Variants in HDLBP observed in about 807,000 individuals in gnomAD.
HDLBP encodes the protein high density lipoprotein binding protein.
Under a neutral mutation model 137.3 loss-of-function variants are expected in HDLBP, and 30 were observed. The ratio of observed to expected loss-of-function variants is 0.22; its 90% CI spans 0.16 to 0.30. The LOEUF is 0.30. HDLBP is among the 10% of genes least tolerant of loss of function. The pLI, the probability that HDLBP is intolerant of heterozygous loss-of-function variation, is 1.00. For missense variants in HDLBP, 1,119 were observed against 1,667.3 expected, an observed-to-expected ratio of 0.67 and a Z score of 5.73; for synonymous variants, 606 against 596.0, an observed-to-expected ratio of 1.02 and a Z score of -0.24.
intron 1 of HDLBP, among the ~76,000 whole-genome samples, chr2:241,286,699 A>G (rs1477202408): frequency 6.6e-6 from 1 of 152,204 alleles, no homozygotes; most frequent in Non-Finnish European, 1.5e-5. Flanking sequence ...TGGCAAAGTA[A>G]GCTTTCTAAA....
chr2:241,313,691 A>C (rs1258336083), intron 1 of HDLBP, among the ~76,000 whole-genome samples: 1 of 152,192 alleles, frequency 6.6e-6, no homozygotes, highest in East Asian at 1.9e-4. Flanking sequence ...ATGAGGCTGA[A>C]GTCAGACAAC....
Position 241,265,720 on chromosome 2 carries a change from C to T in HDLBP, c.76+1074G>A, listed in dbSNP as rs111866736. Among the ~76,000 whole-genome samples the T allele has an allele frequency of 9.6e-4, 147 of 152,352 alleles. 2 individuals are homozygous for T. Among genetic ancestry groups the T allele is most frequent in the African/African-American group, 3.1e-3 (128 of 41,592 alleles). On this transcript the variant is annotated intron_variant, in intron 3 of 27. Coordinates refer to ENST00000310931, the MANE Select transcript of HDLBP (RefSeq NM_005336.6). The stretch of plus-strand genomic sequence containing the variant: ...CAGGGGGATGATCTCTGGAATCAGA[C>T]AGGCTCATGCCCAAGTCCAGGCCCA...
chr2:241,308,729 C>T (rs2149717827), intron 1 of HDLBP, among the ~76,000 whole-genome samples: 1 of 152,298 alleles, frequency 6.6e-6, no homozygotes, highest in Non-Finnish European at 1.5e-5. Context: ...CTAACTCTAG[C>T]CTTTGCCTCA....
intron 1 of HDLBP, among the ~76,000 whole-genome samples, chr2:241,307,255 C>T (rs1419353976): frequency 6.6e-6 from 1 of 152,158 alleles, no homozygotes; most frequent in Non-Finnish European, 1.5e-5. Context: ...AAAGGCAAGC[C>T]CTAGAGTGGA....
intron 5 of HDLBP, among the ~76,000 whole-genome samples, chr2:241,257,473 C>T (rs375381101): frequency 1.3e-4 from 20 of 152,134 alleles, no homozygotes; most frequent in Admixed American, 5.9e-4. Context: ...CCTTGTGATC[C>T]GCCCACCTCA....
chr2:241,272,621 CGGGTGGGGGCCGCGG>C lies in HDLBP; in HGVS notation c.-102-4095_-102-4081del, dbSNP rs2074182490. 1.0e-6 allele frequency: 1 copy of C among 980,602 alleles called. No individual in the cohort carries two copies. Among genetic ancestry groups the C allele is most frequent in the African/African-American group, 1.8e-5 (1 of 56,722 alleles). 60.7% of individuals were successfully genotyped at this position (980,602 alleles called of 1,614,324 possible). A position where few individuals can be genotyped will look rare whatever the true frequency, so the allele number is the denominator to read the frequency against. The stretch of plus-strand genomic sequence containing the variant: ...CGGGCGGGGGCCGCAGCCTGGGGCC[CGGGTGGGGGCCGCGG>C]CACCCGGGCCCCTCCCCCTCCGCGG... On this transcript the variant is annotated intron_variant, in intron 1 of 27. Transcript: ENST00000310931. The surrounding 1 kb of genome is among the most constrained non-coding windows in gnomAD (Gnocchi z 5.6).
At chr2:241,278,112 A>G (rs1448511915) in intron 1 of HDLBP, among the ~76,000 whole-genome samples, 1 of 152,222 alleles carries the variant, frequency 6.6e-6, no homozygotes, top group Non-Finnish European at 1.5e-5. Context: ...AATCTCACCT[A>G]GGTATTTAAA....
chr2:241,229,520 C>T lies in HDLBP; in HGVS notation c.*81G>A. 1 of 1,031,582 alleles carries T rather than the reference C, an allele frequency of 9.7e-7. No homozygotes were observed. The highest frequency in any genetic ancestry group is 1.5e-6 in the Non-Finnish European group (1 of 678,392). The allele number at this position is 1,031,582 out of a possible 1,614,324, so 63.9% of individuals were successfully genotyped here. A position where few individuals can be genotyped will look rare whatever the true frequency, so the allele number is the denominator to read the frequency against. On this transcript the variant is annotated 3_prime_UTR_variant, in exon 28 of 28. Coordinates refer to ENST00000310931, the MANE Select transcript of HDLBP (RefSeq NM_005336.6). ...CGTCAACAATTTACGGAGGGTCCAG[C>T]CGCTGGGTCAGATTGAGACAAACCA...
At chr2:241,314,284 C>A (rs2075900592) in intron 1 of HDLBP, among the ~76,000 whole-genome samples, 1 of 152,154 alleles carries the variant, frequency 6.6e-6, no homozygotes. Context: ...TACGTTTCAT[C>A]CAGTGTTTCA....
intron 1 of HDLBP, among the ~76,000 whole-genome samples, chr2:241,293,639 G>T (rs956031393): frequency 6.7e-6 from 1 of 149,206 alleles, no homozygotes; most frequent in Non-Finnish European, 1.5e-5. Context: ...AACAAAACAG[G>T]CCAAGTGCAG....
chr2:241,308,364 G>A (rs1329907670), intron 1 of HDLBP, among the ~76,000 whole-genome samples: 1 of 152,162 alleles, frequency 6.6e-6, no homozygotes, highest in East Asian at 1.9e-4. Flanking sequence ...AAATTTAAGT[G>A]AAACTCAAGT....
chr2:241,290,605 T>A (rs2074982138), intron 1 of HDLBP, among the ~76,000 whole-genome samples: 1 of 131,994 alleles, frequency 7.6e-6, no homozygotes, highest in African/African-American at 2.5e-5. Flanking sequence ...AACAAAACTC[T>A]GTCTCAAAGG....
At chr2:241,286,549 G>A (rs1011821648) in intron 1 of HDLBP, among the ~76,000 whole-genome samples, 1 of 152,106 alleles carries the variant, frequency 6.6e-6, no homozygotes, top group African/African-American at 2.4e-5. Flanking sequence ...TCTCCAGACC[G>A]AACCAATGTT....
chr2:241,247,292 A>G, intron 14 of HDLBP, 150 bp from the exon 15 acceptor site: 1 of 624,212 alleles, frequency 1.6e-6, no homozygotes, highest in Non-Finnish European at 2.9e-6. Flanking sequence ...TAAGTGAGAT[A>G]GATCATTTGT....
chr2:241,311,530 G>A (rs562433742), intron 1 of HDLBP, among the ~76,000 whole-genome samples: 12 of 152,302 alleles, frequency 7.9e-5, no homozygotes, highest in Admixed American at 1.3e-4. Context: ...GATTGGAGGC[G>A]CTGGGAGAGA....
At position 241,239,559 on chromosome 2, in the gene HDLBP, C is replaced by T. The variant is rs2070990496; in HGVS notation, c.2610+43G>A. On this transcript the variant is annotated intron_variant, in intron 19 of 27. Coordinates refer to ENST00000310931, the MANE Select transcript of HDLBP (RefSeq NM_005336.6). The surrounding 1 kb of genome is among the most constrained non-coding windows in gnomAD (Gnocchi z 4.6). ...CTCATACACGGCTTCGGTGAGTGGC[C>T]ACTGGGGGGTGAGAACCCCTCCCCG... The T allele has an allele frequency of 2.6e-6, 4 of 1,521,730 alleles. No homozygotes were observed. Among genetic ancestry groups the T allele is most frequent in the Non-Finnish European group, 3.6e-6 (4 of 1,097,844 alleles). 94.3% of individuals were successfully genotyped at this position (1,521,730 alleles called of 1,614,324 possible).
chr2:241,267,577 C>T (rs1184989890), intron 2 of HDLBP: 2 of 1,535,516 alleles, frequency 1.3e-6, no homozygotes, highest in Non-Finnish European at 1.7e-6. Flanking sequence ...TCACCACACA[C>T]CTCTTAATGC....
At chr2:241,313,263 GAA>G (rs546051046) in intron 1 of HDLBP, among the ~76,000 whole-genome samples, 2 of 152,146 alleles carry the variant, frequency 1.3e-5, no homozygotes, top group Non-Finnish European at 2.9e-5. Context: ...CTGAGGAAAA[GAA>G]AAGTCTATAT....
chr2:241,263,078 A>G (rs2073330824), intron 4 of HDLBP, 152 bp from the exon 5 acceptor site: 1 of 636,792 alleles, frequency 1.6e-6, no homozygotes, highest in Admixed American at 2.8e-5. Context: ...AAAGCAGCCG[A>G]AAGACAAGGA....
Sources: gnomAD v4.1 joint callset for allele counts (sites outside exome capture counted in the v4.1 genomes callset) on GRCh38, gnomAD v4.1.1 for gene constraint, Gnocchi (gnomAD v3.1) non-coding constraint, MANE v1.5 for transcripts, NCBI Gene and HGNC (gene_info 2026-07-23, HGNC 2026-07-21) for gene names.